The following KHDRBS2 variants were observed in gnomAD, a reference collection of about 807,000 sequenced individuals.
The protein encoded by KHDRBS2 is KH RNA binding domain containing, signal transduction associated 2.
In KHDRBS2, 26 loss-of-function variants were observed where a neutral mutation model predicts 44.3. The ratio of observed to expected loss-of-function variants is 0.59; its 90% CI spans 0.43 to 0.81. The LOEUF (loss-of-function observed/expected upper bound fraction) is 0.81. Among genes scored for constraint, KHDRBS2 ranks in the 40% least tolerant of loss-of-function variants. The pLI, the probability that KHDRBS2 is intolerant of heterozygous loss-of-function variation, is 0.00. For synonymous variants in KHDRBS2, 194 were observed against 151.1 expected (o/e 1.28, Z -2.08); for missense variants, 476 against 433.1 (o/e 1.10, Z -0.88).
intron 6 of KHDRBS2, among the ~76,000 whole-genome samples, chr6:61,784,196 C>T (rs1783439637): frequency 6.6e-6 from 1 of 151,490 alleles, no homozygotes; most frequent in African/African-American, 2.4e-5. Context: ...ATGTATATTC[C>T]TAAAAATTTT....
the KHDRBS2 span, among the ~76,000 whole-genome samples, chr6:61,568,667 G>A: frequency 6.6e-6 from 1 of 152,150 alleles, no homozygotes; most frequent in Non-Finnish European, 1.5e-5. Flanking sequence ...ACAGGAGAAG[G>A]ATTTGTACCT....
chr6:62,064,973 A>G (rs1300332913), intron 2 of KHDRBS2, among the ~76,000 whole-genome samples: 1 of 152,118 alleles, frequency 6.6e-6, no homozygotes, highest in Non-Finnish European at 1.5e-5. Context: ...TGGGTGAAGG[A>G]CATGAACAGA....
intron 3 of KHDRBS2, among the ~76,000 whole-genome samples, chr6:62,045,298 T>C (rs1332870455): frequency 6.6e-6 from 1 of 152,052 alleles, no homozygotes; most frequent in African/African-American, 2.4e-5. Context: ...ATAATAGTTT[T>C]AGATATAGCT....
intron 2 of KHDRBS2, among the ~76,000 whole-genome samples, chr6:62,073,466 G>T (rs751592356): frequency 6.9e-6 from 1 of 145,556 alleles, no homozygotes; most frequent in Non-Finnish European, 1.5e-5. Flanking sequence ...CAGTCTAATT[G>T]TTTGCTAATT....
intron 2 of KHDRBS2, among the ~76,000 whole-genome samples, chr6:62,067,834 C>A (rs1405630493): frequency 6.6e-6 from 1 of 151,506 alleles, no homozygotes; most frequent in Non-Finnish European, 1.5e-5. Context: ...TACGGTCGTA[C>A]AACATGTGGT....
the KHDRBS2 span, among the ~76,000 whole-genome samples, chr6:61,636,743 C>G: frequency 6.6e-6 from 1 of 152,046 alleles, no homozygotes; most frequent in African/African-American, 2.4e-5. Flanking sequence ...AAATCCTAAC[C>G]TAATTCAATC....
the KHDRBS2 span, chr6:61,659,231 A>C: frequency 6.6e-6 from 1 of 151,896 alleles, no homozygotes; most frequent in Admixed American, 6.6e-5. Flanking sequence ...CTCAATGCAC[A>C]ATAGTTAATA....
At chr6:62,277,796 T>C (rs1006519385) in intron 1 of KHDRBS2, among the ~76,000 whole-genome samples, 1 of 152,210 alleles carries the variant, frequency 6.6e-6, no homozygotes, top group Non-Finnish European at 1.5e-5. Context: ...TATCTCTCTA[T>C]ACTGCAAAAT....
chr6:62,263,023 A>C (rs916269964), intron 1 of KHDRBS2, among the ~76,000 whole-genome samples: 4 of 151,774 alleles, frequency 2.6e-5, no homozygotes, highest in Non-Finnish European at 5.9e-5. Flanking sequence ...AAGCTTGAGT[A>C]TAAACACTAA....
At chr6:61,889,207 T>C (rs574114278) in intron 6 of KHDRBS2, among the ~76,000 whole-genome samples, 1 of 152,274 alleles carries the variant, frequency 6.6e-6, no homozygotes, top group African/African-American at 2.4e-5. Context: ...TAATCTTCAA[T>C]AGAGTCTTGA....
chr6:61,955,640 A>G lies in KHDRBS2; in HGVS notation c.483+22426T>C, dbSNP rs572274907. 1.6e-4 allele frequency among the ~76,000 whole-genome samples: 23 copies of G among 145,944 alleles called. 3 individuals are homozygous for G. In the East Asian group the frequency reaches 4.0e-3, roughly 25 times the overall value. ...TATGTATGCATACATGTGTATATAC[A>G]CGTATGTATGTATGCATATATGTGT... On this transcript the variant is annotated intron_variant, in intron 4 of 8. Coordinates refer to ENST00000281156, the MANE Select transcript of KHDRBS2 (RefSeq NM_152688.4).
intron 4 of KHDRBS2, among the ~76,000 whole-genome samples, chr6:61,922,337 G>T (rs571750075): frequency 2.0e-5 from 3 of 152,166 alleles, no homozygotes; most frequent in East Asian, 3.9e-4. Context: ...CCAAATTATG[G>T]CACAGAGAGG....
chr6:62,177,242 G>C lies in KHDRBS2; in HGVS notation c.162C>G (p.Ser54Arg), dbSNP rs1439808380. ...TTTCTGAGAGCTTTATGTTTTTGTT[G>C]CTGATGACATCAAGATACTTCTTTT... Reference protein sequence around the residue: ...DEEKKYLDVISNKNIKLSERV... With the variant: ...DEEKKYLDVIRNKNIKLSERV... The change falls in exon 2 of 9, where the codon AGC becomes AGG. Residue 54 changes from serine to arginine, a missense_variant. By Grantham distance (110) the Ser-to-Arg change is moderately radical. Transcript: ENST00000281156. The C allele has an allele frequency of 2.5e-6, 4 of 1,595,946 alleles. No homozygotes were observed. In the South Asian group the frequency reaches 3.3e-5, roughly 13 times the overall value.
At chr6:61,893,171 A>G (rs1332574819) in intron 6 of KHDRBS2, among the ~76,000 whole-genome samples, 2 of 152,224 alleles carry the variant, frequency 1.3e-5, no homozygotes, top group Non-Finnish European at 2.9e-5. Context: ...TTGGCCATCA[A>G]GGAAACGCAA....
the KHDRBS2 span, among the ~76,000 whole-genome samples, chr6:61,605,840 C>A: frequency 3.7e-4 from 56 of 152,148 alleles, 1 homozygote; most frequent in East Asian, 8.1e-3. Flanking sequence ...GCCTCTGAGC[C>A]CAAGCTAAGC....
At chr6:61,832,403 T>C (rs1791971228) in intron 6 of KHDRBS2, among the ~76,000 whole-genome samples, 2 of 152,306 alleles carry the variant, frequency 1.3e-5, no homozygotes, top group Non-Finnish European at 2.9e-5. Context: ...GTCTTGTGTG[T>C]GTCTGAAAAG....
intron 1 of KHDRBS2, among the ~76,000 whole-genome samples, chr6:62,217,653 A>G (rs1830245367): frequency 1.3e-5 from 2 of 151,860 alleles, no homozygotes; most frequent in South Asian, 4.2e-4. Flanking sequence ...TGATCAACTG[A>G]TGTCTTGATT....
chr6:62,164,790 A>G (rs1332042596), intron 2 of KHDRBS2, among the ~76,000 whole-genome samples: 1 of 151,898 alleles, frequency 6.6e-6, no homozygotes, highest in African/African-American at 2.4e-5. Flanking sequence ...CTCTCTGACC[A>G]AGACACTATG....
At chr6:61,758,179 G>A (rs1778784901) in intron 6 of KHDRBS2, among the ~76,000 whole-genome samples, 4 of 152,058 alleles carry the variant, frequency 2.6e-5, no homozygotes, top group Non-Finnish European at 5.9e-5. Flanking sequence ...AGCACAAACT[G>A]GGGAAATTGT....
Sources: allele counts gnomAD v4.1 joint callset (sites outside exome capture counted in the v4.1 genomes callset), GRCh38; gene constraint gnomAD v4.1.1; transcripts MANE v1.5; gene names NCBI Gene and HGNC (gene_info 2026-07-23, HGNC 2026-07-21).